The following MSH3 variants were observed in gnomAD, a reference collection of about 807,000 sequenced individuals.
The protein encoded by MSH3 is DNA mismatch repair protein Msh3.
Under a neutral mutation model 123.3 loss-of-function variants are expected in MSH3, and 106 were observed. That is an observed-to-expected ratio of 0.86 (90% CI 0.73 to 1.01). MSH3 has a LOEUF of 1.01. Among genes scored for constraint, MSH3 ranks in the 50% least tolerant of loss-of-function variants. The pLI is 0.00. For missense variants in MSH3, 1,459 were observed against 1,347.6 expected, an observed-to-expected ratio of 1.08 and a Z score of -1.29; for synonymous variants, 515 against 481.4, an observed-to-expected ratio of 1.07 and a Z score of -0.91.
At chr5:80,804,907 T>A (rs1204405316) in intron 19 of MSH3, among the ~76,000 whole-genome samples, 1 of 152,196 alleles carries the variant, frequency 6.6e-6, no homozygotes, top group Non-Finnish European at 1.5e-5. Context: ...AGGGAAGTAA[T>A]TAATTTGACC....
intron 8 of MSH3, among the ~76,000 whole-genome samples, chr5:80,716,507 C>T (rs904394131): frequency 6.6e-6 from 1 of 152,002 alleles, no homozygotes; most frequent in Middle Eastern, 3.2e-3. Context: ...TCAAGCGATC[C>T]TCCTGCCACA....
intron 10 of MSH3, among the ~76,000 whole-genome samples, chr5:80,731,991 G>A (rs1743420003): frequency 6.6e-6 from 1 of 152,128 alleles, no homozygotes; most frequent in South Asian, 2.1e-4. Context: ...TTATTTAAAG[G>A]TCCTTGTGCC....
intron 19 of MSH3, among the ~76,000 whole-genome samples, chr5:80,795,280 G>T (rs1279385469): frequency 6.6e-6 from 1 of 152,132 alleles, no homozygotes; most frequent in Non-Finnish European, 1.5e-5. Context: ...AACAAGACTT[G>T]TTGGTAGTAT....
intron 12 of MSH3, among the ~76,000 whole-genome samples, chr5:80,748,113 C>T (rs140255015): frequency 3.0e-4 from 46 of 152,202 alleles, no homozygotes; most frequent in African/African-American, 9.9e-4. Flanking sequence ...TAATGGATGA[C>T]GAGGGGATTT....
chr5:80,859,437 T>C (rs1276532240), intron 21 of MSH3, among the ~76,000 whole-genome samples: 1 of 152,108 alleles, frequency 6.6e-6, no homozygotes, highest in Non-Finnish European at 1.5e-5. Context: ...CTCCATATAT[T>C]TTTAATATGT....
At chr5:80,659,009 G>A (rs1749362319) in intron 2 of MSH3, among the ~76,000 whole-genome samples, 1 of 152,182 alleles carries the variant, frequency 6.6e-6, no homozygotes, top group Non-Finnish European at 1.5e-5. Flanking sequence ...CAAGGCAGGT[G>A]TATCACCTGA....
At chr5:80,746,671 G>T in intron 12 of MSH3, 1 of 307,386 alleles carries the variant, frequency 3.3e-6, no homozygotes. Flanking sequence ...TAAAAATATT[G>T]CTGCATTAAC....
At chr5:80,837,978 C>G (rs1185098184) in intron 20 of MSH3, among the ~76,000 whole-genome samples, 3 of 152,222 alleles carry the variant, frequency 2.0e-5, no homozygotes, top group African/African-American at 7.2e-5. Flanking sequence ...CTCTCAGCTC[C>G]TAGAGGATGC....
chr5:80,767,864 A>C, intron 13 of MSH3, 69 bp from the exon 14 acceptor site: 2 of 1,226,954 alleles, frequency 1.6e-6, no homozygotes, highest in Non-Finnish European at 2.4e-6. Context: ...TCTAACTTTT[A>C]AAAGTCACTA....
At chr5:80,849,424 A>G (rs1048424727) in intron 20 of MSH3, among the ~76,000 whole-genome samples, 1 of 152,128 alleles carries the variant, frequency 6.6e-6, no homozygotes, top group Non-Finnish European at 1.5e-5. Context: ...TCCCTTCTGT[A>G]CTGCCCTAGC....
At chr5:80,873,718 C>T (rs1207953282) in intron 23 of MSH3, among the ~76,000 whole-genome samples, 8 of 152,138 alleles carry the variant, frequency 5.3e-5, no homozygotes. Context: ...CAGGCAATCA[C>T]AGTCAGTATC....
At chr5:80,848,222 C>T (rs245357) in intron 20 of MSH3, among the ~76,000 whole-genome samples, 107,020 of 152,116 alleles carry the variant, frequency 0.7, 37,662 homozygotes, top group South Asian at 0.8. Flanking sequence ...AGAGTTAGAA[C>T]CTTTCTCAAA....
rs537463386 is a variant in MSH3, at chr5:80,802,375, G to T, written c.2655+9531G>T. On this transcript the variant is annotated intron_variant, in intron 19 of 23. Coordinates refer to ENST00000265081, the MANE Select transcript of MSH3 (RefSeq NM_002439.5). ...TGTTGTATCTACTCTTTGCTGTCAT[G>T]AATAATCCTGCCATGGTACCTCACA... 4.7e-5 allele frequency among the ~76,000 whole-genome samples: 7 copies of T among 150,466 alleles called. No homozygotes were observed. In the South Asian group the frequency reaches 1.5e-3, roughly 32 times the overall value.
intron 7 of MSH3, 111 bp from the exon 8 acceptor site, chr5:80,678,816 A>C: frequency 6.7e-6 from 8 of 1,193,532 alleles, no homozygotes; most frequent in South Asian, 6.3e-5. Context: ...AATAGAGTAC[A>C]TACATACTCC....
intron 6 of MSH3, among the ~76,000 whole-genome samples, chr5:80,673,924 G>A (rs1378379151): frequency 1.3e-5 from 2 of 152,150 alleles, no homozygotes; most frequent in African/African-American, 2.4e-5. Context: ...GAGATAAGAA[G>A]GCCTTAAATG....
intron 8 of MSH3, among the ~76,000 whole-genome samples, chr5:80,695,427 C>G (rs148866184): frequency 6.6e-6 from 1 of 152,046 alleles, no homozygotes; most frequent in African/African-American, 2.4e-5. Context: ...CTCCGCCCCC[C>G]GGGTTCAAGC....
intron 20 of MSH3, among the ~76,000 whole-genome samples, chr5:80,844,125 C>A (rs1349591215): frequency 6.6e-6 from 1 of 151,990 alleles, no homozygotes. Flanking sequence ...TTTCAAAGAA[C>A]ACTTTTATTT....
intron 15 of MSH3, among the ~76,000 whole-genome samples, chr5:80,770,578 A>G (rs1744199020): frequency 6.6e-6 from 1 of 152,208 alleles, no homozygotes; most frequent in Non-Finnish European, 1.5e-5. Context: ...TGTTGGAAAG[A>G]AAACCAAGGT....
chr5:80,865,583 G>A (rs967770489), intron 22 of MSH3, among the ~76,000 whole-genome samples: 3 of 152,132 alleles, frequency 2.0e-5, no homozygotes, highest in Non-Finnish European at 4.4e-5. Flanking sequence ...TCACAGAAAT[G>A]AGACATTTTA....
Sources: allele counts gnomAD v4.1 joint callset (sites outside exome capture counted in the v4.1 genomes callset), GRCh38; gene constraint gnomAD v4.1.1; transcripts MANE v1.5; gene names NCBI Gene and HGNC (gene_info 2026-07-23, HGNC 2026-07-21).